NDC1: variants seen among roughly 807,000 people sequenced by gnomAD.
NDC1 encodes NDC1 transmembrane nucleoporin.
A neutral mutation model predicts 89.8 loss-of-function variants in NDC1; 24 were observed. The ratio of observed to expected loss-of-function variants is 0.27; its 90% CI spans 0.19 to 0.38. The LOEUF (loss-of-function observed/expected upper bound fraction) is 0.38. Ranked by LOEUF, NDC1 falls within the 10% of genes least tolerant of loss-of-function variation. NDC1 has a pLI of 1.00. For missense variants in NDC1, 728 were observed against 797.6 expected (o/e 0.91, Z 1.05); for synonymous variants, 296 against 284.8 (o/e 1.04, Z -0.39).
chr1:53,801,989 C>T lies in NDC1; in HGVS notation c.1067-1141G>A, dbSNP rs187713893. Reference sequence around the variant, plus strand: ...AACTCCTGACCTCAGATGATCCTCCCGCCTCAGCCTCCCAAAGTGCTGGGA... The same window carrying T: ...AACTCCTGACCTCAGATGATCCTCCTGCCTCAGCCTCCCAAAGTGCTGGGA... On this transcript the variant is annotated intron_variant, in intron 10 of 17. Coordinates refer to ENST00000371429, the MANE Select transcript of NDC1 (RefSeq NM_018087.5). Among the ~76,000 whole-genome samples the T allele has an allele frequency of 2.9e-3, 444 of 152,154 alleles. 1 individual carries two copies. Among genetic ancestry groups the T allele is most frequent in the African/African-American group, 0.01 (416 of 41,514 alleles).
intron 6 of NDC1, among the ~76,000 whole-genome samples, chr1:53,813,031 A>G (rs1381061243): frequency 6.6e-6 from 1 of 152,242 alleles, no homozygotes; most frequent in Non-Finnish European, 1.5e-5. Flanking sequence ...AAGAAAACAT[A>G]CAGCCTTTTT....
At chr1:53,794,810 G>T (rs1330948341) in intron 13 of NDC1, among the ~76,000 whole-genome samples, 1 of 152,142 alleles carries the variant, frequency 6.6e-6, no homozygotes, top group Non-Finnish European at 1.5e-5. Flanking sequence ...GGGAGTTCAA[G>T]GCTGCAGTGT....
chr1:53,803,854 AGCCACCAT>A, intron 10 of NDC1, 66 bp downstream of exon 10: 1 of 1,148,354 alleles, frequency 8.7e-7, no homozygotes, highest in Non-Finnish European at 1.3e-6. Context: ...TACAGGCTTG[AGCCACCAT>A]GCCTGGCCAA....
Position 53,796,927 on chromosome 1 carries a change from C to T in NDC1, c.1440G>A (p.Arg480=), listed in dbSNP as rs745717734. 2.5e-6 allele frequency: 4 copies of T among 1,614,112 alleles called. No individual in the cohort carries two copies. The highest frequency in any genetic ancestry group is 2.2e-5 in the South Asian group (2 of 91,066). ...GSPQSPQLIR[R]GPRLWTSASD... ...AAGCTGATGTCCACAATCTTGGCCC[C>T]CTTCTTATTAGCTGAGGACTTTGCG... Residue 480 remains arginine, a synonymous_variant, in exon 12 of 18, where the codon AGG becomes AGA. Transcript: ENST00000371429.
intron 13 of NDC1, among the ~76,000 whole-genome samples, chr1:53,796,470 C>T (rs1647703096): frequency 1.3e-5 from 2 of 151,092 alleles, no homozygotes; most frequent in African/African-American, 4.9e-5. Context: ...ATATAAAGAA[C>T]TCAAATATTT....
intron 6 of NDC1, among the ~76,000 whole-genome samples, chr1:53,810,313 C>T (rs1157707565): frequency 6.6e-6 from 1 of 151,672 alleles, no homozygotes; most frequent in Non-Finnish European, 1.5e-5. Context: ...ATTGGAATTG[C>T]GCATACTAAA....
chr1:53,820,893 A>G (rs751618443), intron 5 of NDC1, among the ~76,000 whole-genome samples: 1 of 151,266 alleles, frequency 6.6e-6, no homozygotes, highest in Admixed American at 6.6e-5. Context: ...TTCAGTAGAG[A>G]TGGGGTTTTG....
chr1:53,774,384 C>T (rs902641540), intron 16 of NDC1, among the ~76,000 whole-genome samples: 6 of 152,106 alleles, frequency 3.9e-5, no homozygotes, highest in African/African-American at 1.2e-4. Flanking sequence ...GCAGATTGAA[C>T]AAATGCATCA....
At chr1:53,805,611 TTAC>T (rs1648074275) in intron 9 of NDC1, among the ~76,000 whole-genome samples, 1 of 152,218 alleles carries the variant, frequency 6.6e-6, no homozygotes, top group Non-Finnish European at 1.5e-5. Context: ...ATTTGTAAAA[TTAC>T]TACAACTTCT....
Position 53,796,802 on chromosome 1 carries a change from G to T in NDC1, c.1471C>A (p.Gln491Lys), listed in dbSNP as rs770658717. 2 of 1,605,842 alleles carry T rather than the reference G, an allele frequency of 1.2e-6. No individual in the cohort carries two copies. Among genetic ancestry groups the T allele is most frequent in the African/African-American group, 2.7e-5 (2 of 74,206 alleles). The change falls in exon 13 of 18, where the codon CAG becomes AAG. Residue 491 changes from glutamine (Q) to lysine (K), a missense_variant and splice_region_variant. By Grantham distance (53) the Gln-to-Lys change is moderately conservative. Transcript: ENST00000371429. ...GGATTAGAAAATTCAGTCATTTGCT[G>T]ATCTATTTTTAAAAAAGAAAAGGCA... Reference protein sequence around the residue: ...GPRLWTSASDQQMTEFSNPSP... With the variant: ...GPRLWTSASDKQMTEFSNPSP...
chr1:53,830,519 T>C (rs1226304921), intron 3 of NDC1, among the ~76,000 whole-genome samples: 1 of 152,074 alleles, frequency 6.6e-6, no homozygotes, highest in Non-Finnish European at 1.5e-5. Flanking sequence ...AGTCAGAATT[T>C]GAAATTTTAC....
Position 53,800,890 on chromosome 1 carries a change from T to C in NDC1, c.1067-42A>G. The C allele has an allele frequency of 5.3e-6, 8 of 1,520,652 alleles. 1 individual carries two copies. In the South Asian group the frequency reaches 7.9e-5, roughly 15 times the overall value. 94.2% of individuals were successfully genotyped at this position (1,520,652 alleles called of 1,614,324 possible). A position where few individuals can be genotyped will look rare whatever the true frequency, so the allele number is the denominator to read the frequency against. ...CCAGCTTTTAAAATGTAAATAATCT[T>C]ACATTCCCCTCTTGAAGTGGGGGAA... On this transcript the variant is annotated intron_variant, in intron 10 of 17. Transcript: ENST00000371429.
chr1:53,830,607 T>A (rs929063459), intron 3 of NDC1, among the ~76,000 whole-genome samples: 10 of 152,210 alleles, frequency 6.6e-5, no homozygotes, highest in African/African-American at 2.2e-4. Flanking sequence ...ATGCTTGTAA[T>A]CCCAACACTT....
chr1:53,774,646 T>C (rs1209192266), intron 16 of NDC1, among the ~76,000 whole-genome samples: 1 of 152,148 alleles, frequency 6.6e-6, no homozygotes, highest in Admixed American at 6.5e-5. Flanking sequence ...CCCAGCACTT[T>C]GGGAGGCTGA....
chr1:53,767,927 T>G lies in NDC1; in HGVS notation c.*43A>C. 8.4e-7 allele frequency: 1 copy of G among 1,190,650 alleles called. No homozygotes were observed. The highest frequency in any genetic ancestry group is 1.4e-5 in the South Asian group (1 of 71,962). The allele number at this position is 1,190,650 out of a possible 1,614,324, so 73.8% of individuals were successfully genotyped here. ...TGCTGAACATTTACTGTCCCATCTG[T>G]AGTTGTATCAGCAGTGTAATGAACA... On this transcript the variant is annotated 3_prime_UTR_variant, in exon 18 of 18. Transcript: ENST00000371429.
chr1:53,772,703 TAACATAACATAACATAACAA>T (rs1647126897), intron 16 of NDC1, among the ~76,000 whole-genome samples: 4 of 150,432 alleles, frequency 2.7e-5, no homozygotes, highest in African/African-American at 7.4e-5. Context: ...TAACATAACA[TAACATAACATAACATAACAA>T]AACAAAACAA....
intron 13 of NDC1, among the ~76,000 whole-genome samples, chr1:53,794,934 T>C (rs545502637): frequency 6.6e-6 from 1 of 152,226 alleles, no homozygotes; most frequent in South Asian, 2.1e-4. Context: ...ATTGCCCCAT[T>C]TTTCTGTTCC....
chr1:53,802,055 A>G (rs1457928202), intron 10 of NDC1, among the ~76,000 whole-genome samples: 1 of 152,120 alleles, frequency 6.6e-6, no homozygotes, highest in Non-Finnish European at 1.5e-5. Context: ...AATTTTTTTT[A>G]TGTGCTAGAA....
At chr1:53,809,876 AG>A (rs1350903496) in intron 6 of NDC1, 130 bp from the exon 7 acceptor site, 21 of 664,722 alleles carry the variant, frequency 3.2e-5, no homozygotes, top group Non-Finnish European at 4.9e-5. Flanking sequence ...TAGACTTATT[AG>A]GAATGAGTAG....
Sources: allele counts gnomAD v4.1 joint callset (sites outside exome capture counted in the v4.1 genomes callset), GRCh38; gene constraint gnomAD v4.1.1; transcripts MANE v1.5; gene names NCBI Gene and HGNC (gene_info 2026-07-23, HGNC 2026-07-21).